Variants in PPFIA1 observed in about 807,000 individuals in gnomAD.
PPFIA1 encodes the protein PPFI scaffold protein A1.
In PPFIA1, 25 loss-of-function variants were observed where a neutral mutation model predicts 149.9. The ratio of observed to expected loss-of-function variants is 0.17; its 90% CI spans 0.12 to 0.23. The LOEUF (loss-of-function observed/expected upper bound fraction) is 0.23. PPFIA1 is among the 10% of genes least tolerant of loss of function. PPFIA1 has a pLI of 1.00. For synonymous variants in PPFIA1, 549 were observed against 552.8 expected (o/e 0.99, Z 0.10); for missense variants, 1,362 against 1,506.5 (o/e 0.90, Z 1.59).
intron 19 of PPFIA1, among the ~76,000 whole-genome samples, chr11:70,359,938 C>G (rs535075109): frequency 6.6e-6 from 1 of 152,358 alleles, no homozygotes; most frequent in African/African-American, 2.4e-5. Flanking sequence ...GGCCTTCTTC[C>G]CGTGATTGGA....
chr11:70,280,576 A>G (rs974260986), intron 2 of PPFIA1, among the ~76,000 whole-genome samples: 1 of 152,094 alleles, frequency 6.6e-6, no homozygotes, highest in African/African-American at 2.4e-5. Flanking sequence ...TCTCGGGGAA[A>G]AAGAAAAAGA....
intron 21 of PPFIA1, 143 bp from the exon 22 acceptor site, chr11:70,372,072 A>G: frequency 3.0e-6 from 2 of 675,470 alleles, no homozygotes; most frequent in South Asian, 3.3e-5. Context: ...GTGAGAAGAG[A>G]TCAAATTATT....
chr11:70,333,751 T>A (rs1285610376), intron 10 of PPFIA1, among the ~76,000 whole-genome samples, 198 bp downstream of exon 10: 1 of 152,142 alleles, frequency 6.6e-6, no homozygotes, highest in Non-Finnish European at 1.5e-5. Flanking sequence ...TTGTTTTCAG[T>A]CAGTATTGGG....
Position 70,339,302 on chromosome 11 carries a change from C to CCAA in PPFIA1, c.1704_1706dup (p.Ser568_Lys569insAsn), listed in dbSNP as rs2055167363. 5 of 1,613,202 alleles carry CCAA rather than the reference C, an allele frequency of 3.1e-6. No homozygotes were observed. Among genetic ancestry groups the CCAA allele is most frequent in the Non-Finnish European group, 4.2e-6 (5 of 1,179,302 alleles). ...CTGGCAGCCCTGCGAGATGAGCCTT[C>CCAA]CAAGGCAAGGTCTTTGTGTGAAATA... is the stretch of plus-strand genomic sequence containing the variant. On this transcript the variant is annotated inframe_insertion, in exon 14 of 28. Transcript: ENST00000253925.
intron 2 of PPFIA1, among the ~76,000 whole-genome samples, chr11:70,309,896 G>C (rs2053145909): frequency 6.6e-6 from 1 of 152,058 alleles, no homozygotes; most frequent in South Asian, 2.1e-4. Flanking sequence ...TTTTTTTGGG[G>C]GGTGACGAAA....
chr11:70,352,690 G>GTC (rs1157581976), intron 16 of PPFIA1, among the ~76,000 whole-genome samples: 2 of 151,402 alleles, frequency 1.3e-5, no homozygotes, highest in Non-Finnish European at 2.9e-5. Flanking sequence ...GGAGGCAGAA[G>GTC]TCTGGCACGT....
Position 70,383,106 on chromosome 11 carries a change from T to C in PPFIA1, c.*116T>C, listed in dbSNP as rs751046630. 4.2e-5 allele frequency: 17 copies of C among 400,984 alleles called. No individual in the cohort carries two copies. Among genetic ancestry groups the C allele is most frequent in the African/African-American group, 4.4e-5 (2 of 45,700 alleles). 24.8% of individuals were successfully genotyped at this position (400,984 alleles called of 1,614,324 possible). Reference sequence around the variant, plus strand: ...TTTAATCTTGTTAATACTTGTTATATGGACCCTAAGATATTTTATTACAGA... The same window carrying C: ...TTTAATCTTGTTAATACTTGTTATACGGACCCTAAGATATTTTATTACAGA... On this transcript the variant is annotated 3_prime_UTR_variant, in exon 28 of 28. Coordinates refer to ENST00000253925, the MANE Select transcript of PPFIA1 (RefSeq NM_003626.5).
At chr11:70,351,256 A>G (rs570588836) in intron 16 of PPFIA1, among the ~76,000 whole-genome samples, 3 of 152,300 alleles carry the variant, frequency 2.0e-5, no homozygotes, top group African/African-American at 7.2e-5. Context: ...CCATTCTCTC[A>G]CCTTTTCAGC....
intron 2 of PPFIA1, among the ~76,000 whole-genome samples, chr11:70,297,203 G>A (rs1460388460): frequency 6.6e-6 from 1 of 152,142 alleles, no homozygotes; most frequent in Non-Finnish European, 1.5e-5. Flanking sequence ...GAGGCCAGGA[G>A]TTCGAGACCA....
At chr11:70,353,226 C>T (rs2056172109) in intron 16 of PPFIA1, among the ~76,000 whole-genome samples, 2 of 152,118 alleles carry the variant, frequency 1.3e-5, no homozygotes, top group African/African-American at 4.8e-5. Flanking sequence ...GAAATTCAAA[C>T]TGAGCCCAGT....
chr11:70,279,188 C>G, intron 2 of PPFIA1: 1 of 434,996 alleles, frequency 2.3e-6, no homozygotes, highest in Non-Finnish European at 4.3e-6. Context: ...TCCTAGATTT[C>G]AGGTGTCAGT....
At chr11:70,350,934 A>C in intron 16 of PPFIA1, 1 of 1,028,972 alleles carries the variant, frequency 9.7e-7, no homozygotes, top group Non-Finnish European at 1.3e-6. Context: ...TTGAATTTTT[A>C]ACTTCAAAGT....
Position 70,337,471 on chromosome 11 carries a change from G to A in PPFIA1, c.1491+44G>A, listed in dbSNP as rs201434247. On this transcript the variant is annotated intron_variant, in intron 12 of 27. Transcript: ENST00000253925. The stretch of plus-strand genomic sequence containing the variant: ...AATCCATGAAGAGCCAAGTTGAACT[G>A]AGTTGATGATGATGATAGTTACTGC... The A allele has an allele frequency of 9.1e-6, 13 of 1,433,050 alleles. No homozygotes were observed. The African/African-American group carries it at 1.2e-4, about 13-fold the overall frequency. 88.8% of individuals were successfully genotyped at this position (1,433,050 alleles called of 1,614,324 possible). A position where few individuals can be genotyped will look rare whatever the true frequency, so the allele number is the denominator to read the frequency against.
At chr11:70,356,478 C>T (rs761709005) in intron 19 of PPFIA1, among the ~76,000 whole-genome samples, 21 of 152,116 alleles carry the variant, frequency 1.4e-4, no homozygotes, top group Admixed American at 8.5e-4. Flanking sequence ...GCTGTCCAAC[C>T]AGGAGATAGG....
At chr11:70,298,717 A>G (rs1170948380) in intron 2 of PPFIA1, among the ~76,000 whole-genome samples, 2 of 152,052 alleles carry the variant, frequency 1.3e-5, no homozygotes, top group African/African-American at 2.4e-5. Flanking sequence ...CTGCCTCCCC[A>G]CCTTAGAGTG....
In PPFIA1 at chr11:70,343,736, A is replaced by G. The variant is rs1482089021; in HGVS notation, c.1775A>G (p.Gln592Arg). The change falls in exon 15 of 28, where the codon CAA (glutamine) becomes CGA (arginine). Residue 592 changes from glutamine to arginine, a missense_variant. Transcript: ENST00000253925. Reference sequence around the variant, plus strand: ...GCTAGTGTCTTGGCAAATGTAGCACAAGCATTCGAGAGTGATGCTGACGTG... The same window carrying G: ...GCTAGTGTCTTGGCAAATGTAGCACGAGCATTCGAGAGTGATGCTGACGTG... ...QQASVLANVA[Q>R]AFESDADVSD... 1 of 1,614,232 alleles carries G rather than the reference A, an allele frequency of 6.2e-7. No homozygotes were observed. Among genetic ancestry groups the G allele is most frequent in the African/African-American group, 1.3e-5 (1 of 75,064 alleles).
At chr11:70,352,386 C>T (rs1275872478) in intron 16 of PPFIA1, among the ~76,000 whole-genome samples, 2 of 152,160 alleles carry the variant, frequency 1.3e-5, no homozygotes, top group Non-Finnish European at 2.9e-5. Flanking sequence ...CAGCTGACTT[C>T]TGTTGGATTG....
At chr11:70,279,211 C>G in intron 2 of PPFIA1, 1 of 383,280 alleles carries the variant, frequency 2.6e-6, no homozygotes, top group Non-Finnish European at 4.9e-6. Flanking sequence ...ATACGGCCCA[C>G]CAGGAACTGC....
At chr11:70,337,295 G>T in intron 11 of PPFIA1, 70 bp from the exon 12 acceptor site, 14 of 1,018,080 alleles carry the variant, frequency 1.4e-5, no homozygotes, top group South Asian at 1.2e-4. Context: ...TTTTTTAAAC[G>T]AATACAGCCA....
Sources: allele counts gnomAD v4.1 joint callset (sites outside exome capture counted in the v4.1 genomes callset), GRCh38; gene constraint gnomAD v4.1.1; transcripts MANE v1.5; gene names NCBI Gene and HGNC (gene_info 2026-07-23, HGNC 2026-07-21).